COL10A1: variants seen among roughly 807,000 people sequenced by gnomAD.
COL10A1 encodes collagen type X alpha 1 chain, also known as collagen alpha-1(X) chain.
COL10A1 carries 10 observed loss-of-function variants against 18.2 expected under a neutral mutation model. That is an observed-to-expected ratio of 0.55 (90% CI 0.34 to 0.93). The LOEUF (loss-of-function observed/expected upper bound fraction) is 0.93. COL10A1 is among the 40% of genes least tolerant of loss of function. The pLI, the probability that COL10A1 is intolerant of heterozygous loss-of-function variation, is 0.02. For missense variants in COL10A1, 897 were observed against 853.5 expected (o/e 1.05, Z -0.64); for synonymous variants, 330 against 316.6 (o/e 1.04, Z -0.45).
At chr6:116,160,904 C>T (rs375045342), upstream of COL10A1, among the ~76,000 whole-genome samples, 20 of 152,038 alleles carry the variant, frequency 1.3e-4, no homozygotes, top group South Asian at 2.1e-3. Context: ...ATGTTTATTG[C>T]GGTATTATTC....
At chr6:116,207,694 C>T in the COL10A1 span, among the ~76,000 whole-genome samples, 6 of 151,614 alleles carry the variant, frequency 4.0e-5, no homozygotes, top group African/African-American at 1.2e-4. Flanking sequence ...GGTTAAAAGC[C>T]CTGCTTAGAG....
At chr6:116,206,752 A>AG in the COL10A1 span, among the ~76,000 whole-genome samples, 1 of 151,962 alleles carries the variant, frequency 6.6e-6, no homozygotes, top group Non-Finnish European at 1.5e-5. Flanking sequence ...TTATATCTGG[A>AG]GGGCAAAACA....
the COL10A1 span, among the ~76,000 whole-genome samples, chr6:116,189,435 A>T: frequency 5.1e-4 from 78 of 151,882 alleles, 1 homozygote; most frequent in Admixed American, 4.9e-3. Context: ...TTAGCTTGGG[A>T]TACTTATTCT....
the COL10A1 span, among the ~76,000 whole-genome samples, chr6:116,186,109 G>A: frequency 6.6e-6 from 1 of 151,996 alleles, no homozygotes; most frequent in South Asian, 2.1e-4. Flanking sequence ...AAAAGACTGT[G>A]TCTTCCCTTC....
At chr6:116,191,888 T>C in the COL10A1 span, among the ~76,000 whole-genome samples, 1 of 152,074 alleles carries the variant, frequency 6.6e-6, no homozygotes, top group Non-Finnish European at 1.5e-5. Context: ...ACAGGAGGCA[T>C]TATCAGTGAT....
upstream of COL10A1, among the ~76,000 whole-genome samples, chr6:116,129,071 G>A (rs887879210): frequency 2.6e-5 from 4 of 151,884 alleles, no homozygotes; most frequent in Non-Finnish European, 5.9e-5. Flanking sequence ...CCCATATATT[G>A]TACCAATTTA....
At chr6:116,201,189 A>G in the COL10A1 span, among the ~76,000 whole-genome samples, 44 of 152,150 alleles carry the variant, frequency 2.9e-4, no homozygotes, top group African/African-American at 9.6e-4. Flanking sequence ...TTGGAGGGAC[A>G]ATACATGAGC....
At chr6:116,195,501 G>A in the COL10A1 span, among the ~76,000 whole-genome samples, 1 of 151,928 alleles carries the variant, frequency 6.6e-6, no homozygotes, top group South Asian at 2.1e-4. Context: ...TCATTTTTAA[G>A]AATAGTTCAA....
the COL10A1 span, among the ~76,000 whole-genome samples, chr6:116,198,942 A>G: frequency 6.6e-6 from 1 of 152,032 alleles, no homozygotes; most frequent in Non-Finnish European, 1.5e-5. Context: ...AGAATCTTCT[A>G]GTATTTATTC....
the COL10A1 span, among the ~76,000 whole-genome samples, chr6:116,177,783 G>A: frequency 2.6e-5 from 4 of 152,024 alleles, no homozygotes; most frequent in Non-Finnish European, 4.4e-5. Context: ...TTATAACCAC[G>A]TGAAAGGGCA....
intron 1 of COL10A1, among the ~76,000 whole-genome samples, chr6:116,140,601 C>T (rs986920765): frequency 3.9e-5 from 6 of 152,144 alleles, no homozygotes; most frequent in African/African-American, 1.4e-4. Flanking sequence ...ATGGCATTCC[C>T]TGTGTTTCCT....
chr6:116,162,904 G>GA (rs1227148944), upstream of COL10A1, among the ~76,000 whole-genome samples: 1 of 151,978 alleles, frequency 6.6e-6, no homozygotes, highest in African/African-American at 2.4e-5. Context: ...AAGGCGGGCA[G>GA]ATCACGAGGT....
chr6:116,196,195 T>C, the COL10A1 span, among the ~76,000 whole-genome samples: 2 of 152,066 alleles, frequency 1.3e-5, no homozygotes, highest in African/African-American at 2.4e-5. Context: ...ACTTCCTTGA[T>C]GACTTAAACC....
chr6:116,174,259 C>T, the COL10A1 span, among the ~76,000 whole-genome samples: 1 of 152,134 alleles, frequency 6.6e-6, no homozygotes, highest in Non-Finnish European at 1.5e-5. Flanking sequence ...GTCACTAAGT[C>T]CAGCCCACTC....
At position 116,121,341 on chromosome 6, in the gene COL10A1, C is replaced by T. The variant is rs1283578377; in HGVS notation, c.775G>A (p.Gly259Arg). The change falls in exon 3 of 3, where the codon GGG (glycine) becomes AGG (arginine). Residue 259 changes from glycine to arginine, a missense_variant. By Grantham distance (125) the Gly-to-Arg change is moderately radical. Transcript: ENST00000651968. ...CCTGGCTTTCCAATGCCTTCTGGCC[C>T]TCGTTCCCCAGGAGGGCCTTGGGGA... ...PGPQGPPGER[G>R]PEGIGKPGAA... is the part of the protein sequence containing the mutation. 2 of 1,614,100 alleles carry T rather than the reference C, an allele frequency of 1.2e-6. No individual in the cohort carries two copies. The highest frequency in any genetic ancestry group is 1.3e-5 in the African/African-American group (1 of 75,036).
At chr6:116,126,578 AAT>A (rs771867723), upstream of COL10A1, among the ~76,000 whole-genome samples, 8 of 152,168 alleles carry the variant, frequency 5.3e-5, no homozygotes, top group Non-Finnish European at 1.2e-4. Context: ...TAAAGTTATC[AAT>A]GTGTCTATTA....
intron 1 of COL10A1, chr6:116,125,795 C>G (rs1280272848): frequency 3.9e-6 from 1 of 256,510 alleles, no homozygotes; most frequent in African/African-American, 2.3e-5. Context: ...AATCTAGGAT[C>G]TTTGACATAG....
chr6:116,125,316 A>G, intron 2 of COL10A1, 23 bp downstream of exon 2: 1 of 1,611,402 alleles, frequency 6.2e-7, no homozygotes, highest in Non-Finnish European at 8.5e-7. Flanking sequence ...TGTTAATAGA[A>G]CAAAATATAC....
intron 1 of COL10A1, among the ~76,000 whole-genome samples, chr6:116,146,749 A>G (rs1172664821): frequency 1.3e-5 from 2 of 152,094 alleles, no homozygotes; most frequent in East Asian, 3.8e-4. Context: ...AAGTTCAGAA[A>G]TAGACCCAAA....
Sources: gnomAD v4.1 joint callset for allele counts (sites outside exome capture counted in the v4.1 genomes callset) on GRCh38, gnomAD v4.1.1 for gene constraint, MANE v1.5 for transcripts, NCBI Gene and HGNC (gene_info 2026-07-23, HGNC 2026-07-21) for gene names.